CYP2U1: variants seen among roughly 807,000 people sequenced by gnomAD.
The protein encoded by CYP2U1 is cytochrome P450 family 2 subfamily U member 1.
A neutral mutation model predicts 42.8 loss-of-function variants in CYP2U1; 28 were observed. The ratio of observed to expected loss-of-function variants is 0.65; its 90% confidence interval spans 0.48 to 0.90. The LOEUF (loss-of-function observed/expected upper bound fraction) is 0.90, where lower values mean the gene tolerates loss of function less well. Among genes scored for constraint, CYP2U1 ranks in the 40% least tolerant of loss-of-function variants. The pLI is 0.00. For synonymous variants in CYP2U1, 296 were observed against 278.9 expected, an observed-to-expected ratio of 1.06 and a Z score of -0.61; for missense variants, 642 against 693.8, an observed-to-expected ratio of 0.93 and a Z score of 0.84.
intron 1 of CYP2U1, among the ~76,000 whole-genome samples, chr4:107,942,069 A>C (rs1467660044): frequency 1.3e-5 from 2 of 152,274 alleles, no homozygotes; most frequent in Non-Finnish European, 2.9e-5. Flanking sequence ...TTTTCAAATT[A>C]ACCTAGAAAT....
rs1560700940 is a variant in CYP2U1, at chr4:107,945,170, A to G, written c.691A>G (p.Ile231Val). 6.2e-7 allele frequency: 1 copy of G among 1,614,054 alleles called. No homozygotes were observed. Among genetic ancestry groups the G allele is most frequent in the Non-Finnish European group, 8.5e-7 (1 of 1,180,012 alleles). ...FSIISNAVSN[I>V]ICSLCFGQRF... ...CATCATCAGCAATGCCGTCTCTAAC[A>G]TCATTTGCTCCTTGTGCTTTGGCCA... Residue 231 changes from isoleucine (I) to valine (V), a missense_variant, in exon 2 of 5, where the codon ATC (isoleucine) becomes GTC (valine). Transcript: ENST00000332884.
At chr4:107,944,360 TGG>T (rs1733604682) in intron 1 of CYP2U1, among the ~76,000 whole-genome samples, 1 of 152,114 alleles carries the variant, frequency 6.6e-6, no homozygotes, top group Non-Finnish European at 1.5e-5. Flanking sequence ...TGGAGTGCAG[TGG>T]CATGATCATA....
rs1732997984 is a variant in CYP2U1 at position 107,931,885 on chromosome 4, T to G, written c.242T>G (p.Leu81Arg). Residue 81 changes from leucine to arginine, a missense_variant, in exon 1 of 5, where the codon CTC becomes CGC. By Grantham distance (102) the Leu-to-Arg change is moderately radical. Transcript: ENST00000332884. ...GGTCACGTGCTGCTGCCTCCCTTCC[T>G]CCGGCGGCGGAGCTGGCTGAGCAGC... ...NFGHVLLPPF[L>R]RRRSWLSSRT... 1 of 1,548,868 alleles carries G rather than the reference T, an allele frequency of 6.5e-7. No homozygotes were observed. The highest frequency in any genetic ancestry group is 8.7e-7 in the Non-Finnish European group (1 of 1,145,756).
Position 107,932,045 on chromosome 4 carries a change from C to T in CYP2U1, c.402C>T (p.His134=). 6.3e-7 allele frequency: 1 copy of T among 1,577,956 alleles called. No homozygotes were observed. The highest frequency in any genetic ancestry group is 2.4e-5 in the East Asian group (1 of 42,428). ...HYLVVVLSDF[H]SVREALVQQA... ...TGGTGGTGGTCCTCAGCGACTTCCACAGCGTGCGCGAGGCGCTGGTGCAGC... is the reference window on the plus strand; with the variant it reads ...TGGTGGTGGTCCTCAGCGACTTCCATAGCGTGCGCGAGGCGCTGGTGCAGC... Residue 134 remains histidine (H), a synonymous_variant, in exon 1 of 5, where the codon CAC becomes CAT. Coordinates refer to ENST00000332884, the MANE Select transcript of CYP2U1 (RefSeq NM_183075.3).
In CYP2U1 at chr4:107,950,260, T is replaced by C. The variant is rs774394422; in HGVS notation, c.1472T>C (p.Met491Thr). ...TCATTTTTAGGGAAGCGGGTGTGTATGGGAGAACAACTGGCAAAGATGGAA... is the reference window on the plus strand; with the variant it reads ...TCATTTTTAGGGAAGCGGGTGTGTACGGGAGAACAACTGGCAAAGATGGAA... Reference protein sequence around the residue: ...IPFGIGKRVCMGEQLAKMELF... With the variant: ...IPFGIGKRVCTGEQLAKMELF... The change falls in exon 5 of 5, where the codon ATG becomes ACG. Residue 491 changes from methionine to threonine, a missense_variant. Physicochemically the swap from Met to Thr is moderately conservative, Grantham distance 81 (BLOSUM62 -1). Coordinates refer to ENST00000332884, the MANE Select transcript of CYP2U1 (RefSeq NM_183075.3). 6.2e-7 allele frequency: 1 copy of C among 1,612,456 alleles called. No individual in the cohort carries two copies. Among genetic ancestry groups the C allele is most frequent in the East Asian group, 2.2e-5 (1 of 44,836 alleles).
rs561952862 is a variant in CYP2U1 at position 107,944,484 on chromosome 4, T to A, written c.491-486T>A. Among the ~76,000 whole-genome samples the A allele has an allele frequency of 2.7e-4, 40 of 150,692 alleles. No homozygotes were observed. In the South Asian group the frequency reaches 8.3e-3, roughly 31 times the overall value. On this transcript the variant is annotated intron_variant, in intron 1 of 4. Coordinates refer to ENST00000332884, the MANE Select transcript of CYP2U1 (RefSeq NM_183075.3). ...ACACCCGGCTAATTTTTTTTTTTTT[T>A]AAATAGAGATGGGGTCTTGTTCTGT...
At position 107,932,294 on chromosome 4, in the gene CYP2U1, CT is replaced by C. The variant is rs1486985523; in HGVS notation, c.490+164del. 31 of 806,730 alleles carry C rather than the reference CT, an allele frequency of 3.8e-5. 1 individual carries two copies. The South Asian group carries it at 1.3e-3, about 34-fold the overall frequency. The allele number at this position is 806,730 out of a possible 1,614,324, so 50.0% of individuals were successfully genotyped here. ...GGTGATGGTGGTGGCGGCGCTTCTC[CT>C]TTCTGATGCCTTTAAGATCCCATCA... On this transcript the variant is annotated intron_variant, in intron 1 of 4. Coordinates refer to ENST00000332884, the MANE Select transcript of CYP2U1 (RefSeq NM_183075.3).
chr4:107,948,280 A>G (rs1323757335), intron 3 of CYP2U1, among the ~76,000 whole-genome samples: 6 of 125,554 alleles, frequency 4.8e-5, no homozygotes, highest in East Asian at 2.4e-4. Context: ...AAAAAAAAAA[A>G]GGGCTGGGTG....
chr4:107,947,557 C>A lies in CYP2U1; in HGVS notation c.1288+20C>A. 6 of 1,613,134 alleles carry A rather than the reference C, an allele frequency of 3.7e-6. No individual in the cohort carries two copies. The highest frequency in any genetic ancestry group is 5.1e-6 in the Non-Finnish European group (6 of 1,179,418). ...ACACAGGCAAGTCCAGGGTCTTCCTCTTTGAATGCCCTTGACGGAAGCAGG... is the reference window on the plus strand; with the variant it reads ...ACACAGGCAAGTCCAGGGTCTTCCTATTTGAATGCCCTTGACGGAAGCAGG... On this transcript the variant is annotated intron_variant, in intron 3 of 4. Coordinates refer to ENST00000332884, the MANE Select transcript of CYP2U1 (RefSeq NM_183075.3).
At chr4:107,936,057 T>C (rs1454778667) in intron 1 of CYP2U1, 1 of 152,226 alleles carries the variant, frequency 6.6e-6, no homozygotes, top group Non-Finnish European at 1.5e-5. Context: ...TTTTATTTTT[T>C]ATGTTTAAAT....
intron 1 of CYP2U1, among the ~76,000 whole-genome samples, chr4:107,935,142 G>T (rs985327706): frequency 1.3e-5 from 2 of 152,008 alleles, no homozygotes; most frequent in African/African-American, 4.8e-5. Flanking sequence ...TCTTAAGGTA[G>T]GAATTAGGTT....
In CYP2U1 at chr4:107,951,809, C is replaced by T. The variant is rs1231504422; in HGVS notation, c.*1386C>T. 3 of 152,204 alleles carry T rather than the reference C, an allele frequency of 2.0e-5. No homozygotes were observed. Among genetic ancestry groups the T allele is most frequent in the Admixed American group, 6.5e-5 (1 of 15,280 alleles). 9.4% of individuals were successfully genotyped at this position (152,204 alleles called of 1,614,324 possible). On this transcript the variant is annotated 3_prime_UTR_variant, in exon 5 of 5. Coordinates refer to ENST00000332884, the MANE Select transcript of CYP2U1 (RefSeq NM_183075.3). ...TGCTGGCTCTACACTTAATCCTTTA[C>T]TTGTATGTTTCTGTAATTCTTACAT... is the stretch of plus-strand genomic sequence containing the variant.
chr4:107,931,866 G>A lies in CYP2U1; in HGVS notation c.223G>A (p.Val75Met). The A allele has an allele frequency of 1.3e-6, 2 of 1,547,096 alleles. No homozygotes were observed. Among genetic ancestry groups the A allele is most frequent in the Non-Finnish European group, 8.7e-7 (1 of 1,145,088 alleles). ...PWPLVGNFGH[V>M]LLPPFLRRRS... ...GCCTCTGGTGGGCAACTTCGGTCAC[G>A]TGCTGCTGCCTCCCTTCCTCCGGCG... is the stretch of plus-strand genomic sequence containing the variant. Residue 75 changes from valine (V) to methionine (M), a missense_variant, in exon 1 of 5, where the codon GTG becomes ATG. Coordinates refer to ENST00000332884, the MANE Select transcript of CYP2U1 (RefSeq NM_183075.3).
chr4:107,941,238 T>TAC (rs1051834542), intron 1 of CYP2U1: 14 of 151,982 alleles, frequency 9.2e-5, no homozygotes, highest in African/African-American at 3.4e-4. Flanking sequence ...ACAGCATATA[T>TAC]ATATATAAAT....
chr4:107,946,219 G>A (rs1733693913), intron 2 of CYP2U1, among the ~76,000 whole-genome samples: 2 of 152,132 alleles, frequency 1.3e-5, no homozygotes, highest in South Asian at 4.1e-4. Context: ...CTTTCTGGAG[G>A]GTCTAAAGAA....
chr4:107,934,617 C>T (rs777572383), intron 1 of CYP2U1, among the ~76,000 whole-genome samples: 12 of 152,176 alleles, frequency 7.9e-5, no homozygotes, highest in Admixed American at 6.5e-4. Context: ...GCACTCCTTA[C>T]TTGACCTACT....
intron 1 of CYP2U1, among the ~76,000 whole-genome samples, chr4:107,934,961 TGA>T (rs1387165460): frequency 2.0e-5 from 3 of 152,216 alleles, no homozygotes; most frequent in African/African-American, 4.8e-5. Flanking sequence ...CAACGGAATG[TGA>T]GTTTCTTTAG....
Position 107,950,254 on chromosome 4 carries a change from T to C in CYP2U1, c.1466T>C (p.Val489Ala), listed in dbSNP as rs1471459317. Reference protein sequence around the residue: ...TFIPFGIGKRVCMGEQLAKME... With the variant: ...TFIPFGIGKRACMGEQLAKME... ...CTGATCTCATTTTTAGGGAAGCGGG[T>C]GTGTATGGGAGAACAACTGGCAAAG... The change falls in exon 5 of 5, where the codon GTG (valine) becomes GCG (alanine). Residue 489 changes from valine (V) to alanine (A), a missense_variant. Physicochemically the swap from Val to Ala is moderately conservative, Grantham distance 64. Transcript: ENST00000332884. 6.9e-6 allele frequency: 11 copies of C among 1,604,120 alleles called. No homozygotes were observed. The East Asian group carries it at 1.1e-4, about 16-fold the overall frequency.
chr4:107,949,906 T>C (rs1733850484), intron 4 of CYP2U1, among the ~76,000 whole-genome samples: 1 of 152,184 alleles, frequency 6.6e-6, no homozygotes, highest in South Asian at 2.1e-4. Flanking sequence ...TAGGGATTCT[T>C]ATCTGAATTT....
Sources: gnomAD v4.1 joint callset for allele counts (sites outside exome capture counted in the v4.1 genomes callset) on GRCh38, gnomAD v4.1.1 for gene constraint, MANE v1.5 for transcripts, NCBI Gene and HGNC (gene_info 2026-07-23, HGNC 2026-07-21) for gene names.